The following CRTC3 variants were observed in gnomAD, a reference collection of about 807,000 sequenced individuals.
CRTC3 encodes the protein CREB regulated transcription coactivator 3.
In CRTC3, 26 loss-of-function variants were observed where a neutral mutation model predicts 74.5. The observed-to-expected ratio is 0.35, with a 90% CI of 0.26 to 0.48. The LOEUF (loss-of-function observed/expected upper bound fraction) is 0.48. CRTC3 is among the 20% of genes least tolerant of loss of function. CRTC3 has a pLI of 0.99. For missense variants in CRTC3, 760 were observed against 787.3 expected (o/e 0.97, Z 0.41); for synonymous variants, 377 against 325.8 (o/e 1.16, Z -1.69).
At chr15:90,631,676 C>A (rs1239853713) in intron 11 of CRTC3, among the ~76,000 whole-genome samples, 1 of 150,228 alleles carries the variant, frequency 6.7e-6, no homozygotes, top group African/African-American at 2.5e-5. Flanking sequence ...TTGCAGTGAG[C>A]CAGGATTGCA....
In CRTC3 at chr15:90,638,641, G is replaced by C. The variant is rs140446401; in HGVS notation, c.1462G>C (p.Ala488Pro). Residue 488 changes from alanine to proline, a missense_variant, in exon 12 of 15, where the codon GCC becomes CCC. Physicochemically the swap from Ala to Pro is conservative, Grantham distance 27. This residue lies in a region of CRTC3 where 652 missense variants were observed against 635.2 expected (regional missense o/e 1.03). Coordinates refer to ENST00000268184, the MANE Select transcript of CRTC3 (RefSeq NM_022769.5). ...LPQSDFQLLP[A>P]QGSSLTNFFP... ...ACAGTCAGACTTTCAGCTTCTCCCGGCCCAGGTGAGTTCTGGCAGGAGCGT... is the reference window on the plus strand; with the variant it reads ...ACAGTCAGACTTTCAGCTTCTCCCGCCCCAGGTGAGTTCTGGCAGGAGCGT... 3.1e-6 allele frequency: 5 copies of C among 1,613,582 alleles called. No individual in the cohort carries two copies. The African/African-American group carries it at 5.3e-5, about 17-fold the overall frequency.
intron 13 of CRTC3, among the ~76,000 whole-genome samples, chr15:90,640,716 C>G (rs1042892914): frequency 4.0e-5 from 6 of 151,888 alleles, no homozygotes; most frequent in African/African-American, 1.5e-4. Flanking sequence ...GAAGAAGAGT[C>G]CATACTTCCT....
At position 90,629,324 on chromosome 15, in the gene CRTC3, C is replaced by A. The variant is rs201378392; in HGVS notation, c.1058C>A (p.Ser353Tyr). Residue 353 changes from serine to tyrosine, a missense_variant, in exon 11 of 15, where the codon TCT becomes TAT. Transcript: ENST00000268184. ...TCCTTAAATAACCACCCACAGACAT[C>A]TGTTCCCAACGCATCTGCTCTTCAC... ...SSSLNNHPQTSVPNASALHPS... is the reference protein window; with the variant it reads ...SSSLNNHPQTYVPNASALHPS... 3 of 1,614,180 alleles carry A rather than the reference C, an allele frequency of 1.9e-6. No individual in the cohort carries two copies. The highest frequency in any genetic ancestry group is 2.5e-6 in the Non-Finnish European group (3 of 1,180,026).
intron 1 of CRTC3, 48 bp from the exon 2 acceptor site, chr15:90,539,991 A>T: frequency 8.2e-7 from 1 of 1,222,122 alleles, no homozygotes; most frequent in Non-Finnish European, 1.2e-6. Context: ...ATGCTTCTTT[A>T]GATCTTTGCT....
intron 1 of CRTC3, among the ~76,000 whole-genome samples, chr15:90,535,501 G>T (rs1286616164): frequency 6.6e-6 from 1 of 152,148 alleles, no homozygotes; most frequent in Non-Finnish European, 1.5e-5. Context: ...AGGAGTGGAC[G>T]GGGGTGGGGA....
At chr15:90,641,641 G>A (rs567717337) in intron 14 of CRTC3, among the ~76,000 whole-genome samples, 31 of 151,394 alleles carry the variant, frequency 2.0e-4, no homozygotes, top group Non-Finnish European at 3.8e-4. Context: ...AGCTTGCAGT[G>A]AGCCGAGATT....
intron 3 of CRTC3, among the ~76,000 whole-genome samples, chr15:90,597,140 C>T (rs1967947398): frequency 6.6e-6 from 1 of 152,226 alleles, no homozygotes. Flanking sequence ...GGAGGAGAGG[C>T]ACTGCCAGGG....
chr15:90,591,636 G>A (rs535821769), intron 2 of CRTC3, among the ~76,000 whole-genome samples: 8 of 152,260 alleles, frequency 5.3e-5, no homozygotes, highest in Non-Finnish European at 1.2e-4. Flanking sequence ...GGCCAAAATG[G>A]CGAGACCTTG....
intron 2 of CRTC3, among the ~76,000 whole-genome samples, chr15:90,580,428 T>TC (rs1322434167): frequency 2.0e-5 from 3 of 147,302 alleles, no homozygotes; most frequent in African/African-American, 4.9e-5. Context: ...TTCTTCTTCT[T>TC]TTTTTTTTTT....
chr15:90,555,005 A>G (rs1012710968), intron 2 of CRTC3, among the ~76,000 whole-genome samples: 1 of 152,188 alleles, frequency 6.6e-6, no homozygotes, highest in Non-Finnish European at 1.5e-5. Context: ...CTGCCCTTCT[A>G]CAATTGGCCA....
chr15:90,574,901 T>C (rs1967367945), intron 2 of CRTC3, among the ~76,000 whole-genome samples: 1 of 152,262 alleles, frequency 6.6e-6, no homozygotes, highest in Non-Finnish European at 1.5e-5. Flanking sequence ...TTGATCTTTT[T>C]CTTACTGATT....
intron 2 of CRTC3, among the ~76,000 whole-genome samples, chr15:90,561,943 C>T (rs569936661): frequency 6.6e-6 from 1 of 152,218 alleles, no homozygotes; most frequent in Non-Finnish European, 1.5e-5. Context: ...TCTACACAGG[C>T]CTTGATGCCA....
Position 90,607,473 on chromosome 15 carries a change from A to G in CRTC3, c.572A>G (p.Tyr191Cys), listed in dbSNP as rs1487687769. 3 of 1,595,502 alleles carry G rather than the reference A, an allele frequency of 1.9e-6. No homozygotes were observed. Among genetic ancestry groups the G allele is most frequent in the South Asian group, 1.1e-5 (1 of 90,218 alleles). Reference protein sequence around the residue: ...GGGQSAWPAPYMGFCDGENNG... With the variant: ...GGGQSAWPAPCMGFCDGENNG... The stretch of plus-strand genomic sequence containing the variant: ...GGCCAGTCGGCCTGGCCTGCCCCAT[A>G]CATGGGTAAGACACACAGGCCACTG... Residue 191 changes from tyrosine to cysteine, a missense_variant, in exon 6 of 15, where the codon TAC (tyrosine) becomes TGC (cysteine). Around this residue, in one of 2 missense-constraint regions of CRTC3, gnomAD observed 652 missense variants for 635.2 expected, o/e 1.03. Transcript: ENST00000268184.
intron 3 of CRTC3, among the ~76,000 whole-genome samples, chr15:90,599,798 G>T (rs1197468098): frequency 6.6e-6 from 1 of 152,200 alleles, no homozygotes; most frequent in African/African-American, 2.4e-5. Flanking sequence ...ATTCTAATTT[G>T]TATTATCAGT....
At chr15:90,566,931 G>A (rs966332856) in intron 2 of CRTC3, among the ~76,000 whole-genome samples, 3 of 151,908 alleles carry the variant, frequency 2.0e-5, no homozygotes, top group African/African-American at 7.3e-5. Context: ...GGCTGGTCTC[G>A]AACTCCTGAC....
At chr15:90,551,916 T>C (rs1966858392) in intron 2 of CRTC3, among the ~76,000 whole-genome samples, 1 of 5,748 alleles carries the variant, frequency 1.7e-4, no homozygotes, top group African/African-American at 8.1e-4. Context: ...TACATTACAT[T>C]ACATTACACA....
rs549951022 is a variant in CRTC3, at chr15:90,645,169, T to C, written c.*3029T>C. On this transcript the variant is annotated 3_prime_UTR_variant, in exon 15 of 15. Coordinates refer to ENST00000268184, the MANE Select transcript of CRTC3 (RefSeq NM_022769.5). Reference sequence around the variant, plus strand: ...TGGTTCCCAGCATGTGTCCAGTGCTTCATGGATGGGACCATCCCAGCAACT... The same window carrying C: ...TGGTTCCCAGCATGTGTCCAGTGCTCCATGGATGGGACCATCCCAGCAACT... The C allele has an allele frequency of 8.7e-6, 2 of 229,972 alleles. No homozygotes were observed. Among genetic ancestry groups the C allele is most frequent in the African/African-American group, 4.4e-5 (2 of 45,272 alleles). The allele number at this position is 229,972 out of a possible 1,614,324, so 14.2% of individuals were successfully genotyped here.
intron 2 of CRTC3, among the ~76,000 whole-genome samples, chr15:90,572,033 G>C (rs566564578): frequency 2.0e-5 from 3 of 151,914 alleles, no homozygotes; most frequent in Non-Finnish European, 4.4e-5. Context: ...ATGGTGGTGT[G>C]TGCCTGTAAT....
At chr15:90,615,017 T>C (rs1005451791) in intron 7 of CRTC3, among the ~76,000 whole-genome samples, 2 of 152,110 alleles carry the variant, frequency 1.3e-5, no homozygotes, top group African/African-American at 2.4e-5. Flanking sequence ...TGAGTTGAGA[T>C]TGTGCCACTG....
Sources: gnomAD v4.1 joint callset for allele counts (sites outside exome capture counted in the v4.1 genomes callset) on GRCh38, gnomAD v4.1.1 for gene constraint, gnomAD v4.1.1 regional missense constraint, MANE v1.5 for transcripts, NCBI Gene and HGNC (gene_info 2026-07-23, HGNC 2026-07-21) for gene names.